The following CR1 variants were observed in gnomAD, a reference collection of about 807,000 sequenced individuals.
The protein encoded by CR1 is complement C3b/C4b receptor 1 (Knops blood group), also known as complement receptor type 1.
In CR1, 116 loss-of-function variants were observed where a neutral mutation model predicts 187.3. That is an observed-to-expected ratio of 0.62 (90% CI 0.53 to 0.72). The LOEUF (loss-of-function observed/expected upper bound fraction) is 0.72, where lower values mean the gene tolerates loss of function less well. Among genes scored for constraint, CR1 ranks in the 30% least tolerant of loss-of-function variants. The pLI is 0.00. For missense variants in CR1, 1,731 were observed against 2,110.7 expected (o/e 0.82, Z 3.52); for synonymous variants, 576 against 747.1 (o/e 0.77, Z 3.73).
chr1:207,589,141 G>C (rs1183686006), intron 35 of CR1, among the ~76,000 whole-genome samples: 2 of 152,166 alleles, frequency 1.3e-5, no homozygotes, highest in Non-Finnish European at 2.9e-5. Context: ...CAGTTGAGTT[G>C]GAGGACCCTG....
intron 35 of CR1, chr1:207,598,809 T>C (rs12141045): frequency 0.2 from 30,781 of 152,146 alleles, 3,405 homozygotes; most frequent in South Asian, 0.44. Flanking sequence ...CATTCAGCTG[T>C]TTCAAAGACA....
At chr1:207,584,281 A>G (rs1661044479) in intron 32 of CR1, among the ~76,000 whole-genome samples, 3 of 152,220 alleles carry the variant, frequency 2.0e-5, no homozygotes, top group African/African-American at 7.2e-5. Context: ...TTTAAACAGT[A>G]CTTGACATAC....
intron 35 of CR1, among the ~76,000 whole-genome samples, chr1:207,595,786 C>T (rs1455329203): frequency 1.3e-5 from 2 of 151,250 alleles, no homozygotes; most frequent in East Asian, 3.9e-4. Context: ...AGGCACAAAA[C>T]TAGTTAAATG....
At chr1:207,564,300 G>T in intron 23 of CR1, 66 bp downstream of exon 23, 1 of 1,593,560 alleles carries the variant, frequency 6.3e-7, no homozygotes, top group Admixed American at 1.7e-5. Context: ...CTAAAAAGGG[G>T]AGATTTGGTG....
Position 207,609,375 on chromosome 1 carries a change from A to C in CR1, c.5982A>C (p.Val1994=), listed in dbSNP as rs573604937. The C allele has an allele frequency of 6.2e-7, 1 of 1,614,020 alleles. No homozygotes were observed. The highest frequency in any genetic ancestry group is 2.2e-5 in the East Asian group (1 of 44,886). ...CATCTTTTCACAATGGAACGGTGGT[A>C]ACTTACCAGTGCCACACTGGACCAG... ...NRTSFHNGTV[V]TYQCHTGPDG... is the part of the protein sequence containing the mutation. The change falls in exon 37 of 47, where the codon GTA becomes GTC. Residue 1994 remains valine, a synonymous_variant. Transcript: ENST00000367049.
At chr1:207,593,102 A>AAAAAAAC (rs1439487338) in intron 35 of CR1, among the ~76,000 whole-genome samples, 112 of 151,590 alleles carry the variant, frequency 7.4e-4, no homozygotes, top group African/African-American at 2.5e-3. Flanking sequence ...AAAAAAAAAA[A>AAAAAAAC]ACTACTTTAA....
intron 45 of CR1, among the ~76,000 whole-genome samples, chr1:207,628,819 G>C (rs1490150375): frequency 6.6e-6 from 1 of 152,026 alleles, no homozygotes; most frequent in African/African-American, 2.4e-5. Flanking sequence ...TATTGAACCA[G>C]TATCTTTCTA....
At chr1:207,517,577 T>C (rs1659844844) in intron 4 of CR1, among the ~76,000 whole-genome samples, 1 of 152,196 alleles carries the variant, frequency 6.6e-6, no homozygotes, top group African/African-American at 2.4e-5. Context: ...GAACAATTTG[T>C]GTAACATTAT....
At chr1:207,520,968 G>GTTTTTTTTTTTTTTTTTT (rs141546660) in intron 4 of CR1, among the ~76,000 whole-genome samples, 1 of 44,566 alleles carries the variant, frequency 2.2e-5, no homozygotes, top group African/African-American at 1.0e-4. Flanking sequence ...TTTTTTGGTT[G>GTTTTTTTTTTTTTTTTTT]TTTTTTTTTT....
At chr1:207,517,287 T>G (rs1659835748) in intron 4 of CR1, among the ~76,000 whole-genome samples, 3 of 152,132 alleles carry the variant, frequency 2.0e-5, no homozygotes, top group African/African-American at 7.2e-5. Flanking sequence ...TATGCGTGTG[T>G]GTGTGTGCAG....
At position 207,584,780 on chromosome 1, in the gene CR1, C is replaced by A. The variant is rs1239127035; in HGVS notation, c.5434C>A (p.Leu1812Ile). Residue 1812 changes from leucine to isoleucine, a missense_variant, in exon 33 of 47, where the codon CTC (leucine) becomes ATC (isoleucine). By Grantham distance (5) the Leu-to-Ile change is conservative. Coordinates refer to ENST00000367049, the MANE Select transcript of CR1 (RefSeq NM_000651.6). ...PHPDRGMTFN[L>I]IGESTIRCTS... ...CCCAGACAGAGGGATGACCTTCAACCTCATTGGGGAGAGCACCATCCGCTG... is the reference window on the plus strand; with the variant it reads ...CCCAGACAGAGGGATGACCTTCAACATCATTGGGGAGAGCACCATCCGCTG... The A allele has an allele frequency of 1.9e-6, 3 of 1,613,922 alleles. No homozygotes were observed. Among genetic ancestry groups the A allele is most frequent in the Non-Finnish European group, 2.5e-6 (3 of 1,179,872 alleles).
chr1:207,624,640 A>C (rs1419595099), intron 45 of CR1, among the ~76,000 whole-genome samples: 1 of 152,182 alleles, frequency 6.6e-6, no homozygotes, highest in Non-Finnish European at 1.5e-5. Flanking sequence ...TTTAAATTTA[A>C]ATATCCATCC....
chr1:207,572,460 C>A (rs1323969428), intron 27 of CR1, among the ~76,000 whole-genome samples: 3 of 151,886 alleles, frequency 2.0e-5, no homozygotes, highest in Non-Finnish European at 4.4e-5. Context: ...GTCAGATAAT[C>A]TTTAGTATTT....
intron 1 of CR1, among the ~76,000 whole-genome samples, chr1:207,497,244 T>C (rs1659116987): frequency 6.6e-6 from 1 of 152,332 alleles, no homozygotes; most frequent in East Asian, 1.9e-4. Flanking sequence ...ATAACGCCTA[T>C]TATAATTATT....
intron 37 of CR1, 68 bp downstream of exon 37, chr1:207,609,756 TAAGG>T: frequency 1.4e-6 from 2 of 1,439,370 alleles, no homozygotes; most frequent in Non-Finnish European, 1.8e-6. Context: ...TTGTTGAAAT[TAAGG>T]AAGAAGTGTA....
At chr1:207,501,016 A>C (rs929397088) in intron 1 of CR1, among the ~76,000 whole-genome samples, 7 of 152,152 alleles carry the variant, frequency 4.6e-5, no homozygotes, top group East Asian at 3.8e-4. Flanking sequence ...ATAAAAAAAA[A>C]CCTGAGTGAT....
chr1:207,592,826 G>C (rs903704679), intron 35 of CR1, among the ~76,000 whole-genome samples: 1 of 152,070 alleles, frequency 6.6e-6, no homozygotes. Context: ...CAAATCATGA[G>C]TGAACTCCCA....
intron 40 of CR1, among the ~76,000 whole-genome samples, chr1:207,615,308 G>A (rs1385673485): frequency 6.6e-6 from 1 of 151,916 alleles, no homozygotes; most frequent in Non-Finnish European, 1.5e-5. Flanking sequence ...AGCAGACTAT[G>A]AACAAGGAAA....
chr1:207,593,487 A>G (rs1362949018), intron 35 of CR1, among the ~76,000 whole-genome samples: 1 of 152,248 alleles, frequency 6.6e-6, no homozygotes, highest in Non-Finnish European at 1.5e-5. Flanking sequence ...TAAATGTAAG[A>G]CCTAAAACTA....
Sources: allele counts gnomAD v4.1 joint callset (sites outside exome capture counted in the v4.1 genomes callset), GRCh38; gene constraint gnomAD v4.1.1; transcripts MANE v1.5; gene names NCBI Gene and HGNC (gene_info 2026-07-23, HGNC 2026-07-21).